The following C19orf12 variants were observed in gnomAD, a reference collection of about 807,000 sequenced individuals.
The protein encoded by C19orf12 is protein C19orf12.
Under a neutral mutation model 3.8 loss-of-function variants are expected in C19orf12, and 2 were observed. The observed-to-expected ratio is 0.53, with a 90% CI of 0.22 to 1.66. C19orf12 has a LOEUF of 1.66. Among genes scored for constraint, C19orf12 ranks in the 40% most tolerant of loss-of-function variants. The probability of loss-of-function intolerance (pLI) is 0.20; values close to 1 mark genes in which losing one functional copy is unlikely to be tolerated. For synonymous variants in C19orf12, 89 were observed against 84.6 expected, an observed-to-expected ratio of 1.05 and a Z score of -0.28; for missense variants, 156 against 188.8, an observed-to-expected ratio of 0.83 and a Z score of 1.02.
chr19:29,699,849 G>A lies in C19orf12; in HGVS notation c.*2863C>T. ...TCAAAAATAAATAAATTTCTACAAA[G>A]AAGATACAGATATATAAATACTAAA... On this transcript the variant is annotated 3_prime_UTR_variant, in exon 3 of 3. Coordinates refer to ENST00000323670, the MANE Select transcript of C19orf12 (RefSeq NM_031448.6). 1 of 452,062 alleles carries A rather than the reference G, an allele frequency of 2.2e-6. No individual in the cohort carries two copies. The highest frequency in any genetic ancestry group is 4.4e-6 in the Non-Finnish European group (1 of 226,382). 28.0% of individuals were successfully genotyped at this position (452,062 alleles called of 1,614,324 possible).
chr19:29,705,525 T>TTTG, intron 2 of C19orf12: 1 of 259,082 alleles, frequency 3.9e-6, no homozygotes, highest in Non-Finnish European at 7.8e-6. Flanking sequence ...TTTTTTTTTT[T>TTTG]CCTTAGACAG....
chr19:29,703,382 T>C (rs376382316), intron 2 of C19orf12, among the ~76,000 whole-genome samples: 1 of 144,772 alleles, frequency 6.9e-6, no homozygotes. Flanking sequence ...TCTTTTCTTT[T>C]TTTTTTTTTT....
chr19:29,704,579 C>G (rs1478435278), intron 2 of C19orf12, among the ~76,000 whole-genome samples: 2 of 152,252 alleles, frequency 1.3e-5, no homozygotes, highest in South Asian at 2.1e-4. Context: ...CTATGTCATG[C>G]TATTCTGGGA....
intron 2 of C19orf12, among the ~76,000 whole-genome samples, chr19:29,704,585 T>C (rs1030411638): frequency 3.3e-5 from 5 of 152,264 alleles, no homozygotes; most frequent in Non-Finnish European, 7.3e-5. Context: ...CATGCTATTC[T>C]GGGACTTAAA....
Position 29,700,528 on chromosome 19 carries a change from A to G in C19orf12, c.*2184T>C, listed in dbSNP as rs2145612857. 1 of 454,144 alleles carries G rather than the reference A, an allele frequency of 2.2e-6. No individual in the cohort carries two copies. The highest frequency in any genetic ancestry group is 6.9e-5 in the East Asian group (1 of 14,402). The allele number at this position is 454,144 out of a possible 1,614,324, so 28.1% of individuals were successfully genotyped here. A position where few individuals can be genotyped will look rare whatever the true frequency, so the allele number is the denominator to read the frequency against. Reference sequence around the variant, plus strand: ...CCGTATGCAGGACTTATTTGCAGGAAGAGCAGGAATGATCAGTTCAACAAG... The same window carrying G: ...CCGTATGCAGGACTTATTTGCAGGAGGAGCAGGAATGATCAGTTCAACAAG... On this transcript the variant is annotated 3_prime_UTR_variant, in exon 3 of 3. Coordinates refer to ENST00000323670, the MANE Select transcript of C19orf12 (RefSeq NM_031448.6).
Position 29,700,428 on chromosome 19 carries a change from C to T in C19orf12, c.*2284G>A, listed in dbSNP as rs1972024403. 2.2e-6 allele frequency: 1 copy of T among 453,928 alleles called. No individual in the cohort carries two copies. The highest frequency in any genetic ancestry group is 1.6e-5 in the South Asian group (1 of 64,474). The allele number at this position is 453,928 out of a possible 1,614,324, so 28.1% of individuals were successfully genotyped here. ...TTTTTTCCTTCACACTAAAAACGGG[C>T]AACTTTAGAGCCCACTAAAGCTATA... On this transcript the variant is annotated 3_prime_UTR_variant, in exon 3 of 3. Coordinates refer to ENST00000323670, the MANE Select transcript of C19orf12 (RefSeq NM_031448.6).
chr19:29,701,494 T>C lies in C19orf12; in HGVS notation c.*1218A>G, dbSNP rs1350897201. The C allele has an allele frequency of 2.2e-6, 1 of 454,170 alleles. No individual in the cohort carries two copies. Among genetic ancestry groups the C allele is most frequent in the East Asian group, 6.9e-5 (1 of 14,400 alleles). 28.1% of individuals were successfully genotyped at this position (454,170 alleles called of 1,614,324 possible). On this transcript the variant is annotated 3_prime_UTR_variant, in exon 3 of 3. Transcript: ENST00000323670. ...GAAAAAAAGGTCTGTACGTGTTCAGTACCAATGCAATTTCTTTTTTCAAAT... is the reference window on the plus strand; with the variant it reads ...GAAAAAAAGGTCTGTACGTGTTCAGCACCAATGCAATTTCTTTTTTCAAAT...
chr19:29,699,648 A>G lies in C19orf12; in HGVS notation c.*3064T>C, dbSNP rs1013815892. ...GGTTTTTCTAGGTTTTCAGCAACAA[A>G]TACTGACAAAAGGAAATGAACAGTT... On this transcript the variant is annotated 3_prime_UTR_variant, in exon 3 of 3. Transcript: ENST00000323670. 3.5e-5 allele frequency: 16 copies of G among 453,928 alleles called. No homozygotes were observed. The highest frequency in any genetic ancestry group is 3.2e-4 in the African/African-American group (16 of 49,996). The allele number at this position is 453,928 out of a possible 1,614,324, so 28.1% of individuals were successfully genotyped here. A position where few individuals can be genotyped will look rare whatever the true frequency, so the allele number is the denominator to read the frequency against.
intron 1 of C19orf12, among the ~76,000 whole-genome samples, chr19:29,711,689 T>C (rs1046553576): frequency 6.6e-6 from 1 of 152,118 alleles, no homozygotes; most frequent in Non-Finnish European, 1.5e-5. Context: ...AAACAGTTTC[T>C]GCACAGCAAG....
chr19:29,711,775 C>CT (rs1178465095), intron 1 of C19orf12, among the ~76,000 whole-genome samples: 1 of 152,074 alleles, frequency 6.6e-6, no homozygotes, highest in East Asian at 1.9e-4. Flanking sequence ...GGCTTCCCCC[C>CT]CCAAAAAAAA....
In C19orf12 at chr19:29,699,862, T is replaced by C; in HGVS notation, c.*2850A>G. The C allele has an allele frequency of 6.6e-6, 3 of 453,754 alleles. No individual in the cohort carries two copies. The highest frequency in any genetic ancestry group is 4.7e-5 in the South Asian group (3 of 64,448). 28.1% of individuals were successfully genotyped at this position (453,754 alleles called of 1,614,324 possible). A position where few individuals can be genotyped will look rare whatever the true frequency, so the allele number is the denominator to read the frequency against. On this transcript the variant is annotated 3_prime_UTR_variant, in exon 3 of 3. Coordinates refer to ENST00000323670, the MANE Select transcript of C19orf12 (RefSeq NM_031448.6). ...AATTTCTACAAAGAAGATACAGATATATAAATACTAAAACCACAGGAGCTG... is the reference window on the plus strand; with the variant it reads ...AATTTCTACAAAGAAGATACAGATACATAAATACTAAAACCACAGGAGCTG...
chr19:29,702,687 C>A lies in C19orf12; in HGVS notation c.*25G>T. 6.2e-7 allele frequency: 1 copy of A among 1,612,058 alleles called. No homozygotes were observed. Among genetic ancestry groups the A allele is most frequent in the Non-Finnish European group, 8.5e-7 (1 of 1,179,976 alleles). On this transcript the variant is annotated 3_prime_UTR_variant, in exon 3 of 3. Transcript: ENST00000323670. ...AGAATCACAGAGTCATTTAAAGGGGCCCCCCACCTCCCCGGAGGTGCGGCC... is the reference window on the plus strand; with the variant it reads ...AGAATCACAGAGTCATTTAAAGGGGACCCCCACCTCCCCGGAGGTGCGGCC...
rs1051290472 is a variant in C19orf12, at chr19:29,702,158, C to G, written c.*554G>C. 2 of 453,802 alleles carry G rather than the reference C, an allele frequency of 4.4e-6. No homozygotes were observed. The highest frequency in any genetic ancestry group is 3.1e-5 in the South Asian group (2 of 64,458). The allele number at this position is 453,802 out of a possible 1,614,324, so 28.1% of individuals were successfully genotyped here. A position where few individuals can be genotyped will look rare whatever the true frequency, so the allele number is the denominator to read the frequency against. ...GTATTTGTGGCTTCACTCAGCAGGC[C>G]GCCCGTCCCCTCCGTGGGGCCATTC... On this transcript the variant is annotated 3_prime_UTR_variant, in exon 3 of 3. Transcript: ENST00000323670.
intron 1 of C19orf12, among the ~76,000 whole-genome samples, chr19:29,712,823 A>T (rs549137204): frequency 6.6e-6 from 1 of 152,334 alleles, no homozygotes; most frequent in African/African-American, 2.4e-5. Context: ...CATGAGACCC[A>T]GAACTTCAGT....
In C19orf12 at chr19:29,701,110, T is replaced by G. The variant is rs1972060057; in HGVS notation, c.*1602A>C. ...CTGGTACCTTCCCTCTTGTTCCATT[T>G]GTAAGACTTTGAATATTAGAGATAT... On this transcript the variant is annotated 3_prime_UTR_variant, in exon 3 of 3. Transcript: ENST00000323670. 2.2e-6 allele frequency: 1 copy of G among 454,052 alleles called. No homozygotes were observed. The highest frequency in any genetic ancestry group is 4.4e-6 in the Non-Finnish European group (1 of 226,804). The allele number at this position is 454,052 out of a possible 1,614,324, so 28.1% of individuals were successfully genotyped here. A position where few individuals can be genotyped will look rare whatever the true frequency, so the allele number is the denominator to read the frequency against.
intron 1 of C19orf12, among the ~76,000 whole-genome samples, chr19:29,713,255 C>CA (rs374788709): frequency 2.3e-3 from 337 of 147,212 alleles, no homozygotes; most frequent in African/African-American, 8.0e-3. Context: ...AGTGTGGCTC[C>CA]CCCTCCCCCA....
intron 1 of C19orf12, among the ~76,000 whole-genome samples, chr19:29,714,279 G>A (rs1285978079): frequency 2.0e-5 from 3 of 152,092 alleles, no homozygotes; most frequent in Non-Finnish European, 4.4e-5. Context: ...TGGATCGCAA[G>A]GTCAGGAGTT....
At chr19:29,712,503 T>TC (rs1446272424) in intron 1 of C19orf12, among the ~76,000 whole-genome samples, 18 of 151,386 alleles carry the variant, frequency 1.2e-4, no homozygotes, top group Non-Finnish European at 1.9e-4. Flanking sequence ...GGAGTGTTCT[T>TC]CCCCCCCACC....
Position 29,714,962 on chromosome 19 carries a change from C to T in C19orf12, c.-11+163G>A, listed in dbSNP as rs886054324. ...TTTCTCCATAGGGACAATGACTACA[C>T]TAACAGTGTCCACCCCGGCACCGGG... On this transcript the variant is annotated intron_variant, in intron 1 of 2. Transcript: ENST00000323670. 4.2e-6 allele frequency: 3 copies of T among 716,150 alleles called. No individual in the cohort carries two copies. Among genetic ancestry groups the T allele is most frequent in the Admixed American group, 2.0e-5 (1 of 49,914 alleles). 44.4% of individuals were successfully genotyped at this position (716,150 alleles called of 1,614,324 possible).
Sources: gnomAD v4.1 joint callset for allele counts (sites outside exome capture counted in the v4.1 genomes callset) on GRCh38, gnomAD v4.1.1 for gene constraint, MANE v1.5 for transcripts, NCBI Gene and HGNC (gene_info 2026-07-23, HGNC 2026-07-21) for gene names.